Variants in PRPSAP2 observed in about 807,000 individuals in gnomAD.
The protein encoded by PRPSAP2 is phosphoribosyl pyrophosphate synthetase associated protein 2.
Under a neutral mutation model 40.6 loss-of-function variants are expected in PRPSAP2, and 24 were observed. That is an observed-to-expected ratio of 0.59 (90% CI 0.43 to 0.83). The LOEUF (loss-of-function observed/expected upper bound fraction) is 0.83. Among genes scored for constraint, PRPSAP2 ranks in the 40% least tolerant of loss-of-function variants. PRPSAP2 has a pLI of 0.00. For synonymous variants in PRPSAP2, 149 were observed against 164.7 expected (o/e 0.90, Z 0.73); for missense variants, 292 against 465.6 (o/e 0.63, Z 3.43).
chr17:18,911,058 A>C lies in PRPSAP2; in HGVS notation c.585-45A>C. The stretch of plus-strand genomic sequence containing the variant: ...TTGTCCCCTAGGCATTAGCAGAACC[A>C]AGGGCTGCATGAGTTTTGAGCTTGT... On this transcript the variant is annotated intron_variant, in intron 8 of 11. Transcript: ENST00000268835. The surrounding 1 kb of genome is among the most constrained non-coding windows in gnomAD (Gnocchi z 4.5). 6.4e-7 allele frequency: 1 copy of C among 1,562,662 alleles called. No homozygotes were observed.
chr17:18,865,928 T>C lies in PRPSAP2; in HGVS notation c.95T>C (p.Met32Thr). The C allele has an allele frequency of 6.8e-7, 1 of 1,481,096 alleles. No homozygotes were observed. Among genetic ancestry groups the C allele is most frequent in the Non-Finnish European group, 9.1e-7 (1 of 1,101,318 alleles). 91.7% of individuals were successfully genotyped at this position (1,481,096 alleles called of 1,614,324 possible). The part of the protein sequence containing the change: ...LFSANSNSSC[M>T]ELSKKIAERL... ...TCAGCAAACTCGAATTCATCATGTA[T>C]GGAGCTATCAAAGAAAATTGCAGAG... The change falls in exon 3 of 12, where the codon ATG (methionine) becomes ACG (threonine). Residue 32 changes from methionine to threonine, a missense_variant. Physicochemically the swap from Met to Thr is moderately conservative, Grantham distance 81. This residue lies in a region of PRPSAP2 where 51 missense variants were observed against 40.0 expected (regional missense o/e 1.28). Coordinates refer to ENST00000268835, the MANE Select transcript of PRPSAP2 (RefSeq NM_002767.4).
intron 6 of PRPSAP2, among the ~76,000 whole-genome samples, chr17:18,880,330 T>C (rs1223566964): frequency 6.6e-6 from 1 of 152,206 alleles, no homozygotes; most frequent in Non-Finnish European, 1.5e-5. Context: ...CTTACACTTT[T>C]CTGGTGATCG....
At chr17:18,883,244 C>CCTTAATGTGGTTTATTACCA (rs1226952969) in intron 7 of PRPSAP2, among the ~76,000 whole-genome samples, 4 of 152,030 alleles carry the variant, frequency 2.6e-5, no homozygotes, top group African/African-American at 7.3e-5. Context: ...TTTATTACCA[C>CCTTAATGTGGTTTATTACCA]CCTTGAATCC....
chr17:18,871,658 T>C (rs1265626782), intron 4 of PRPSAP2, among the ~76,000 whole-genome samples: 9 of 32,116 alleles, frequency 2.8e-4, no homozygotes, highest in South Asian at 2.2e-3. Flanking sequence ...ATTTTCTTTT[T>C]TTTTTTTTTT....
intron 10 of PRPSAP2, among the ~76,000 whole-genome samples, chr17:18,925,426 G>A (rs1390356626): frequency 6.6e-6 from 1 of 152,044 alleles, no homozygotes; most frequent in Non-Finnish European, 1.5e-5. Flanking sequence ...TTTTTTTCTT[G>A]TCTTTGATGT....
At chr17:18,899,731 T>G (rs2040152500) in intron 8 of PRPSAP2, among the ~76,000 whole-genome samples, 1 of 151,220 alleles carries the variant, frequency 6.6e-6, no homozygotes, top group Non-Finnish European at 1.5e-5. Context: ...ACGGGGATTT[T>G]ACCATATTGC....
chr17:18,930,475 T>G, intron 11 of PRPSAP2, 65 bp from the exon 12 acceptor site: 3 of 1,509,186 alleles, frequency 2.0e-6, no homozygotes, highest in Non-Finnish European at 2.7e-6. Flanking sequence ...CTGTCACATT[T>G]CCAGATCAAA....
chr17:18,870,072 C>T (rs2037749619), intron 4 of PRPSAP2, among the ~76,000 whole-genome samples: 1 of 151,978 alleles, frequency 6.6e-6, no homozygotes, highest in Admixed American at 6.6e-5. Flanking sequence ...TGGTCTCAAA[C>T]TTCTGACCTC....
In PRPSAP2 at chr17:18,911,008, A is replaced by G. The variant is rs1168139606; in HGVS notation, c.585-95A>G. 5.8e-6 allele frequency: 8 copies of G among 1,367,960 alleles called. No individual in the cohort carries two copies. Among genetic ancestry groups the G allele is most frequent in the South Asian group, 1.8e-5 (1 of 57,080 alleles). 84.7% of individuals were successfully genotyped at this position (1,367,960 alleles called of 1,614,324 possible). ...TTTCTTTAGTCCTTTGGGAGACAAC[A>G]TTCTACTTATGTTCTCTTAATGTTT... On this transcript the variant is annotated intron_variant, in intron 8 of 11. Transcript: ENST00000268835. The surrounding 1 kb of genome is among the most constrained non-coding windows in gnomAD (Gnocchi z 4.5).
chr17:18,873,497 C>T (rs913761022), intron 5 of PRPSAP2, among the ~76,000 whole-genome samples: 3 of 151,962 alleles, frequency 2.0e-5, no homozygotes, highest in Non-Finnish European at 2.9e-5. Context: ...TGAGCCACTG[C>T]GCCCAGCCTG....
In PRPSAP2 at chr17:18,867,244, ATTAC is replaced by A. The variant is rs982364745; in HGVS notation, c.120-35_120-32del. 3 of 1,597,094 alleles carry A rather than the reference ATTAC, an allele frequency of 1.9e-6. No individual in the cohort carries two copies. In the African/African-American group the frequency reaches 4.0e-5, roughly 21 times the overall value. ...ATAGTAAAGATACTGGGTTTCTTCTATTACTTTTTCAGCTTTTTCCCCCTTTCTC... is the reference window on the plus strand; with the variant it reads ...ATAGTAAAGATACTGGGTTTCTTCTATTTTTCAGCTTTTTCCCCCTTTCTC... On this transcript the variant is annotated intron_variant, in intron 3 of 11. Transcript: ENST00000268835.
intron 1 of PRPSAP2, among the ~76,000 whole-genome samples, chr17:18,861,024 A>G (rs1032683520): frequency 3.3e-5 from 5 of 152,214 alleles, no homozygotes; most frequent in Admixed American, 3.3e-4. Flanking sequence ...CTCATTTCAC[A>G]CTAAAACCTT....
At chr17:18,863,512 C>G (rs9916245) in intron 1 of PRPSAP2, among the ~76,000 whole-genome samples, 54,566 of 150,984 alleles carry the variant, frequency 0.36, 9,943 homozygotes, top group Non-Finnish European at 0.39. Context: ...TCTTTCTTCC[C>G]TTTCTTTCTT....
At chr17:18,881,533 C>T (rs781065182) in intron 6 of PRPSAP2, among the ~76,000 whole-genome samples, 9 of 151,872 alleles carry the variant, frequency 5.9e-5, no homozygotes, top group East Asian at 1.9e-4. Context: ...CCACCGTGTC[C>T]GGCCTTATTT....
chr17:18,899,095 G>C (rs2040103234), intron 8 of PRPSAP2, among the ~76,000 whole-genome samples: 1 of 152,060 alleles, frequency 6.6e-6, no homozygotes, highest in South Asian at 2.1e-4. Flanking sequence ...GTAGAGACGG[G>C]GTTTCTCCAT....
At chr17:18,868,491 A>G (rs1021809878) in intron 4 of PRPSAP2, among the ~76,000 whole-genome samples, 3 of 151,940 alleles carry the variant, frequency 2.0e-5, no homozygotes, top group Non-Finnish European at 4.4e-5. Context: ...GGGAAAAAAA[A>G]AAAAAAAGAA....
At chr17:18,873,515 G>A (rs2038055524) in intron 5 of PRPSAP2, among the ~76,000 whole-genome samples, 1 of 152,112 alleles carries the variant, frequency 6.6e-6, no homozygotes. Context: ...CTGGAGTAGA[G>A]GCTGTTAATG....
chr17:18,928,508 T>C, intron 10 of PRPSAP2: 1 of 382,688 alleles, frequency 2.6e-6, no homozygotes, highest in East Asian at 6.1e-5. Context: ...TGACCTGCAT[T>C]GTGACAGCAC....
Position 18,911,521 on chromosome 17 carries a change from T to C in PRPSAP2, c.733+270T>C, listed in dbSNP as rs2040957790. ...TGCTTCAGGGAAGTCCATTCATTCA[T>C]TCAGCAGTATATACTAGAGTGTAGT... On this transcript the variant is annotated intron_variant, in intron 9 of 11. Coordinates refer to ENST00000268835, the MANE Select transcript of PRPSAP2 (RefSeq NM_002767.4). The surrounding 1 kb of genome is among the most constrained non-coding windows in gnomAD (Gnocchi z 4.5). Among the ~76,000 whole-genome samples, 1 of 152,198 alleles carries C rather than the reference T, an allele frequency of 6.6e-6. No individual in the cohort carries two copies. The highest frequency in any genetic ancestry group is 2.4e-5 in the African/African-American group (1 of 41,462).
Sources: allele counts gnomAD v4.1 joint callset (sites outside exome capture counted in the v4.1 genomes callset), GRCh38; gene constraint gnomAD v4.1.1; regional missense constraint gnomAD v4.1.1; non-coding constraint Gnocchi (gnomAD v3.1); transcripts MANE v1.5; gene names NCBI Gene and HGNC (gene_info 2026-07-23, HGNC 2026-07-21).